Variants in GRK7 observed in about 807,000 individuals in gnomAD.
GRK7 encodes rhodopsin kinase GRK7.
GRK7 carries 24 observed loss-of-function variants against 34.1 expected under a neutral mutation model. The observed-to-expected ratio is 0.70, with a 90% CI of 0.51 to 0.99. GRK7 has a LOEUF of 0.99. Among genes scored for constraint, GRK7 ranks in the 50% least tolerant of loss-of-function variants. The pLI, the probability that GRK7 is intolerant of heterozygous loss-of-function variation, is 0.00. For missense variants in GRK7, 644 were observed against 707.3 expected, an observed-to-expected ratio of 0.91 and a Z score of 1.02; for synonymous variants, 256 against 279.4, an observed-to-expected ratio of 0.92 and a Z score of 0.84.
chr3:141,788,777 T>A (rs1024351106), intron 4 of GRK7, among the ~76,000 whole-genome samples: 1 of 152,172 alleles, frequency 6.6e-6, no homozygotes, highest in Non-Finnish European at 1.5e-5. Flanking sequence ...CCTTAAGACG[T>A]CTCTGCAATT....
At chr3:141,804,980 C>T (rs770203196) in intron 4 of GRK7, among the ~76,000 whole-genome samples, 21 of 150,034 alleles carry the variant, frequency 1.4e-4, no homozygotes, top group Non-Finnish European at 2.2e-4. Context: ...ATACACACAC[C>T]CACTCGCACA....
intron 5 of GRK7, among the ~76,000 whole-genome samples, chr3:141,815,042 A>C (rs1338175961): frequency 6.6e-6 from 1 of 150,676 alleles, no homozygotes. Context: ...CTCTTGCCTC[A>C]GCCTCCTGAG....
intron 5 of GRK7, among the ~76,000 whole-genome samples, chr3:141,815,235 G>GTTTA (rs1312454846): frequency 0.026 from 469 of 17,896 alleles, 1 homozygote; most frequent in African/African-American, 0.071. Flanking sequence ...GGTTTTTTTT[G>GTTTA]TTTGTTTGTT....
At chr3:141,754,990 T>C in the GRK7 span, among the ~76,000 whole-genome samples, 3 of 152,220 alleles carry the variant, frequency 2.0e-5, no homozygotes, top group African/African-American at 7.2e-5. Flanking sequence ...AGTATACATC[T>C]CAAAATATAA....
chr3:141,800,338 C>T (rs1466918930), intron 4 of GRK7, among the ~76,000 whole-genome samples: 1 of 135,870 alleles, frequency 7.4e-6, no homozygotes, highest in Admixed American at 7.9e-5. Flanking sequence ...TGGTGCTTCA[C>T]TCTTAAATAT....
chr3:141,816,424 AT>A (rs1183060068), intron 5 of GRK7, among the ~76,000 whole-genome samples: 1 of 152,174 alleles, frequency 6.6e-6, no homozygotes, highest in Non-Finnish European at 1.5e-5. Context: ...CTTTCATAGT[AT>A]TTCCATGAAA....
intron 4 of GRK7, among the ~76,000 whole-genome samples, chr3:141,784,498 G>A (rs1247146628): frequency 1.3e-5 from 2 of 152,136 alleles, no homozygotes; most frequent in East Asian, 3.8e-4. Context: ...GAAGAGAAAG[G>A]AAGGCCTCCT....
chr3:141,778,948 G>A lies in GRK7; in HGVS notation c.612+52G>A, dbSNP rs760276417. On this transcript the variant is annotated intron_variant, in intron 3 of 5. Transcript: ENST00000682958. The surrounding 1 kb of genome is among the most constrained non-coding windows in gnomAD (Gnocchi z 4.1). ...GAAGGTGAAGCATAGAGCATGAAAG[G>A]GGGTAATGTTGCCTTTCTTTTTTTA... 5.3e-6 allele frequency: 8 copies of A among 1,503,868 alleles called. No individual in the cohort carries two copies. Among genetic ancestry groups the A allele is most frequent in the Non-Finnish European group, 7.2e-6 (8 of 1,118,636 alleles). The allele number at this position is 1,503,868 out of a possible 1,614,324, so 93.2% of individuals were successfully genotyped here.
chr3:141,797,909 G>A (rs560227137), intron 4 of GRK7, among the ~76,000 whole-genome samples: 1 of 152,250 alleles, frequency 6.6e-6, no homozygotes, highest in South Asian at 2.1e-4. Flanking sequence ...ACTTTTTCAT[G>A]GACTTGTAAA....
the GRK7 span, among the ~76,000 whole-genome samples, chr3:141,753,623 C>T: frequency 1.3e-5 from 2 of 152,196 alleles, no homozygotes; most frequent in African/African-American, 4.8e-5. Context: ...CGCTGCTCCC[C>T]TCCTGCTGTG....
intron 1 of GRK7, among the ~76,000 whole-genome samples, chr3:141,768,989 C>A (rs1306278028): frequency 6.6e-6 from 1 of 152,126 alleles, no homozygotes; most frequent in Non-Finnish European, 1.5e-5. Flanking sequence ...ATCTTCCAGT[C>A]TCACTCCCTT....
chr3:141,783,724 A>G (rs1170874155), intron 4 of GRK7, among the ~76,000 whole-genome samples: 5 of 152,094 alleles, frequency 3.3e-5, no homozygotes, highest in African/African-American at 1.2e-4. Context: ...GGGAGGGCAG[A>G]GCGGGTTTAG....
intron 4 of GRK7, among the ~76,000 whole-genome samples, chr3:141,789,531 T>A (rs1333337741): frequency 1.3e-5 from 2 of 152,068 alleles, no homozygotes; most frequent in Admixed American, 1.3e-4. Context: ...CGAGACTAGA[T>A]CACTGCCTGT....
intron 5 of GRK7, 122 bp downstream of exon 5, chr3:141,808,041 G>A: frequency 1.2e-6 from 1 of 845,896 alleles, no homozygotes; most frequent in Non-Finnish European, 1.7e-6. Flanking sequence ...ATTTTTATTT[G>A]CATATTATAT....
chr3:141,753,344 A>G, the GRK7 span, among the ~76,000 whole-genome samples: 1 of 152,136 alleles, frequency 6.6e-6, no homozygotes, highest in African/African-American at 2.4e-5. Flanking sequence ...GTTCTATACA[A>G]TTTTATGGTG....
intron 4 of GRK7, among the ~76,000 whole-genome samples, chr3:141,781,816 A>G (rs1038083369): frequency 6.6e-6 from 1 of 152,240 alleles, no homozygotes; most frequent in Non-Finnish European, 1.5e-5. Flanking sequence ...CGATTATGTT[A>G]GGTGAACGAC....
chr3:141,808,675 T>A (rs1359701558), intron 5 of GRK7, among the ~76,000 whole-genome samples: 2 of 151,960 alleles, frequency 1.3e-5, no homozygotes, highest in Non-Finnish European at 2.9e-5. Flanking sequence ...ATCAAGCCAC[T>A]GCACTCCAGC....
intron 4 of GRK7, among the ~76,000 whole-genome samples, chr3:141,799,410 C>G (rs767792295): frequency 1.3e-5 from 2 of 151,968 alleles, no homozygotes; most frequent in African/African-American, 4.8e-5. Context: ...GTCGGGAGTT[C>G]GAGACCAGCC....
At chr3:141,803,697 G>A (rs939812939) in intron 4 of GRK7, among the ~76,000 whole-genome samples, 4 of 152,050 alleles carry the variant, frequency 2.6e-5, no homozygotes, top group Admixed American at 1.3e-4. Flanking sequence ...CACGAAGCAT[G>A]TATCAGTACT....
Sources: gnomAD v4.1 joint callset for allele counts (sites outside exome capture counted in the v4.1 genomes callset) on GRCh38, gnomAD v4.1.1 for gene constraint, Gnocchi (gnomAD v3.1) non-coding constraint, MANE v1.5 for transcripts, NCBI Gene and HGNC (gene_info 2026-07-23, HGNC 2026-07-21) for gene names.